The following HDX variants were observed in gnomAD, a reference collection of about 807,000 sequenced individuals.
HDX encodes the protein highly divergent homeobox.
A neutral mutation model predicts 45.2 loss-of-function variants in HDX; 19 were observed. The observed-to-expected ratio is 0.42, with a 90% CI of 0.29 to 0.62. HDX has a LOEUF of 0.62. HDX is among the 20% of genes least tolerant of loss of function. HDX has a pLI of 0.20. For synonymous variants in HDX, 188 were observed against 172.8 expected, an observed-to-expected ratio of 1.09 and a Z score of -0.69; for missense variants, 532 against 493.9, an observed-to-expected ratio of 1.08 and a Z score of -0.73.
chrX:84,349,680 C>CTG (rs200711346), intron 6 of HDX, among the ~76,000 whole-genome samples: 4 of 79,054 alleles, frequency 5.1e-5, no homozygotes, highest in South Asian at 6.9e-4. Context: ...AACCCTAGCC[C>CTG]TGTGTGTGTG....
In HDX at chrX:84,469,068, G is replaced by T; in HGVS notation, c.655C>A (p.Pro219Thr). The change falls in exon 4 of 11, where the codon CCT becomes ACT. Residue 219 changes from proline (P) to threonine (T), a missense_variant. Coordinates refer to ENST00000373177, the MANE Select transcript of HDX (RefSeq NM_001177479.2). ...VPQKPSVCHR[P>T]CKIEPVGIQR... The stretch of plus-strand genomic sequence containing the variant: ...ATCCCAACTGGTTCAATTTTACAAG[G>T]TCGGTGGCACACAGAAGGCTTTTGA... The T allele has an allele frequency of 8.3e-7, 1 of 1,211,688 alleles. No homozygotes were observed. The highest frequency in any genetic ancestry group is 1.1e-6 in the Non-Finnish European group (1 of 895,464).
intron 5 of HDX, among the ~76,000 whole-genome samples, chrX:84,368,626 G>A (rs1044926240): frequency 1.8e-5 from 2 of 111,561 alleles, no homozygotes; most frequent in Non-Finnish European, 1.9e-5. Context: ...GCTTTTCAAC[G>A]TAACATTTGC....
chrX:84,345,452 T>G (rs2147803297), intron 6 of HDX, among the ~76,000 whole-genome samples: 1 of 111,535 alleles, frequency 9.0e-6, no homozygotes, highest in South Asian at 3.7e-4. Flanking sequence ...TCATTCAAGT[T>G]GTGTGTATCG....
chrX:84,344,972 T>C (rs763264940), intron 6 of HDX, among the ~76,000 whole-genome samples: 2 of 111,167 alleles, frequency 1.8e-5, no homozygotes, highest in African/African-American at 6.5e-5. Flanking sequence ...AACCATCATA[T>C]AGCTATAACT....
At chrX:84,378,820 T>C (rs1279769185) in intron 5 of HDX, among the ~76,000 whole-genome samples, 1 of 111,267 alleles carries the variant, frequency 9.0e-6, no homozygotes, top group Non-Finnish European at 1.9e-5. Context: ...TAACACTGAA[T>C]GTAAATGGAC....
Position 84,379,100 on chromosome X carries a change from G to A in HDX, c.1306-17488C>T, listed in dbSNP as rs2147897319. ...AATAATAAAGGTGTCAATTTAGCAA[G>A]AGGATGTAACAATTATATATATAAT... is the stretch of plus-strand genomic sequence containing the variant. On this transcript the variant is annotated intron_variant, in intron 5 of 10. Coordinates refer to ENST00000373177, the MANE Select transcript of HDX (RefSeq NM_001177479.2). 1.8e-5 allele frequency among the ~76,000 whole-genome samples: 2 copies of A among 109,996 alleles called. 1 individual carries two copies. Among genetic ancestry groups the A allele is most frequent in the East Asian group, 5.7e-4 (2 of 3,521 alleles).
At chrX:84,412,275 G>GT (rs895646173) in intron 5 of HDX, among the ~76,000 whole-genome samples, 3 of 110,860 alleles carry the variant, frequency 2.7e-5, no homozygotes, top group Admixed American at 9.6e-5. Flanking sequence ...GTACTTAAGT[G>GT]TTTTTTTGTG....
chrX:84,374,454 C>G (rs1429831053), intron 5 of HDX, among the ~76,000 whole-genome samples: 3 of 110,629 alleles, frequency 2.7e-5, no homozygotes, highest in Non-Finnish European at 5.7e-5. Context: ...ATAGCCAAGA[C>G]AATCCTAAGC....
chrX:84,351,010 GCTATCTATCTAT>G (rs199956764), intron 6 of HDX, among the ~76,000 whole-genome samples: 320 of 105,967 alleles, frequency 3.0e-3, no homozygotes, highest in East Asian at 0.013. Flanking sequence ...ATTGATCCAG[GCTATCTATCTAT>G]CTATCTATCT....
At chrX:84,400,279 C>T (rs1199964216) in intron 5 of HDX, among the ~76,000 whole-genome samples, 2 of 109,678 alleles carry the variant, frequency 1.8e-5, no homozygotes, top group Non-Finnish European at 3.8e-5. Flanking sequence ...TGTTTGCAGA[C>T]AATATGATTC....
chrX:84,456,216 C>A (rs898318792), intron 4 of HDX, among the ~76,000 whole-genome samples: 6 of 111,638 alleles, frequency 5.4e-5, no homozygotes, highest in Non-Finnish European at 1.1e-4. Context: ...ATATTCACAT[C>A]TTGAGTAGAA....
chrX:84,364,172 G>A (rs2037685811), intron 5 of HDX, among the ~76,000 whole-genome samples: 1 of 111,153 alleles, frequency 9.0e-6, no homozygotes, highest in South Asian at 3.8e-4. Context: ...GGTTAAATGA[G>A]GAGCTGAGTT....
chrX:84,352,836 A>T (rs1376202431), intron 6 of HDX, among the ~76,000 whole-genome samples: 1 of 111,811 alleles, frequency 8.9e-6, no homozygotes, highest in African/African-American at 3.2e-5. Flanking sequence ...CAAATTGTAA[A>T]TGCAGAAGCT....
At chrX:84,486,728 C>G (rs1209399179) in intron 2 of HDX, among the ~76,000 whole-genome samples, 2 of 109,488 alleles carry the variant, frequency 1.8e-5, no homozygotes, top group African/African-American at 6.6e-5. Flanking sequence ...CCTTGTTTTC[C>G]TATGTATATG....
intron 5 of HDX, among the ~76,000 whole-genome samples, chrX:84,406,816 C>T (rs970693548): frequency 1.9e-4 from 21 of 110,317 alleles, no homozygotes; most frequent in African/African-American, 6.9e-4. Context: ...CTAATTTAAA[C>T]ATTTGTTTCA....
rs2147737498 is a variant in HDX at position 84,320,167 on chromosome X, A to C, written c.*1722T>G. ...AGGAGTTGGTGTGACTGGTACATTTAATCGTAATATCTGAGGCTCTGTTAC... is the reference window on the plus strand; with the variant it reads ...AGGAGTTGGTGTGACTGGTACATTTCATCGTAATATCTGAGGCTCTGTTAC... On this transcript the variant is annotated 3_prime_UTR_variant, in exon 11 of 11. Coordinates refer to ENST00000373177, the MANE Select transcript of HDX (RefSeq NM_001177479.2). 1 of 110,847 alleles carries C rather than the reference A, an allele frequency of 9.0e-6. No individual in the cohort carries two copies. The highest frequency in any genetic ancestry group is 1.9e-5 in the Non-Finnish European group (1 of 52,356). The allele number at this position is 110,847 out of a possible 1,213,427, so 9.1% of individuals were successfully genotyped here. A position where few individuals can be genotyped will look rare whatever the true frequency, so the allele number is the denominator to read the frequency against.
chrX:84,471,787 T>A (rs2148145834), intron 3 of HDX, among the ~76,000 whole-genome samples: 1 of 108,202 alleles, frequency 9.2e-6, no homozygotes, highest in South Asian at 3.9e-4. Context: ...ACAGCAGGAG[T>A]GAGAATGACA....
chrX:84,325,743 G>T (rs1469308369), intron 10 of HDX, among the ~76,000 whole-genome samples: 3 of 111,638 alleles, frequency 2.7e-5, no homozygotes, highest in African/African-American at 9.7e-5. Context: ...CAGAATAGAA[G>T]ATGTCCAAAC....
At chrX:84,383,120 A>C (rs1434383716) in intron 5 of HDX, among the ~76,000 whole-genome samples, 1 of 111,319 alleles carries the variant, frequency 9.0e-6, no homozygotes, top group African/African-American at 3.3e-5. Flanking sequence ...ATTCTTCTTA[A>C]TCCTGGCCTT....
Sources: gnomAD v4.1 joint callset for allele counts (sites outside exome capture counted in the v4.1 genomes callset) on GRCh38, gnomAD v4.1.1 for gene constraint, MANE v1.5 for transcripts, NCBI Gene and HGNC (gene_info 2026-07-23, HGNC 2026-07-21) for gene names.